Variants in PTPRR observed in about 807,000 individuals in gnomAD.
PTPRR encodes protein tyrosine phosphatase receptor type R.
Under a neutral mutation model 77.2 loss-of-function variants are expected in PTPRR, and 38 were observed. The observed-to-expected ratio is 0.49, with a 90% CI of 0.38 to 0.65. PTPRR has a LOEUF of 0.65. Ranked by LOEUF, PTPRR falls within the 30% of genes least tolerant of loss-of-function variation. PTPRR has a pLI of 0.00. For missense variants in PTPRR, 744 were observed against 799.2 expected, an observed-to-expected ratio of 0.93 and a Z score of 0.83; for synonymous variants, 299 against 283.1, an observed-to-expected ratio of 1.06 and a Z score of -0.57.
At chr12:70,882,970 T>C (rs1465804844) in intron 2 of PTPRR, among the ~76,000 whole-genome samples, 1 of 152,174 alleles carries the variant, frequency 6.6e-6, no homozygotes, top group Non-Finnish European at 1.5e-5. Flanking sequence ...ATTTTAATCC[T>C]CCCATTTAAA....
At chr12:70,813,564 GA>G (rs1268880013) in intron 2 of PTPRR, among the ~76,000 whole-genome samples, 3 of 152,206 alleles carry the variant, frequency 2.0e-5, no homozygotes, top group Admixed American at 6.5e-5. Context: ...CTGAGTTAGT[GA>G]CTCTTCTGCC....
chr12:70,867,607 C>G (rs1892878126), intron 2 of PTPRR, among the ~76,000 whole-genome samples: 1 of 151,600 alleles, frequency 6.6e-6, no homozygotes, highest in Non-Finnish European at 1.5e-5. Flanking sequence ...AATGGCCATA[C>G]TGCCCAAGGT....
intron 6 of PTPRR, among the ~76,000 whole-genome samples, chr12:70,705,434 T>G (rs1888583378): frequency 6.6e-6 from 1 of 152,088 alleles, no homozygotes; most frequent in East Asian, 1.9e-4. Flanking sequence ...CTACTTTTTT[T>G]GCAGTACTTT....
At chr12:70,874,920 C>CAAAAAAAAAAAAAAAA (rs34592534) in intron 2 of PTPRR, among the ~76,000 whole-genome samples, 1 of 76,830 alleles carries the variant, frequency 1.3e-5, no homozygotes, top group Non-Finnish European at 2.6e-5. Context: ...GACTCCATCT[C>CAAAAAAAAAAAAAAAA]AAAAAAAAAA....
chr12:70,852,580 A>T (rs1356962677), intron 2 of PTPRR, among the ~76,000 whole-genome samples: 1 of 152,186 alleles, frequency 6.6e-6, no homozygotes, highest in Non-Finnish European at 1.5e-5. Flanking sequence ...ATGTTAAGCT[A>T]AGCCCCTTCA....
chr12:70,688,949 ATCT>A (rs899987876), intron 8 of PTPRR, among the ~76,000 whole-genome samples: 8 of 152,120 alleles, frequency 5.3e-5, no homozygotes, highest in Non-Finnish European at 1.0e-4. Context: ...GAGAGACATG[ATCT>A]TCTTTATGTG....
chr12:70,729,252 A>C (rs1480270183), intron 6 of PTPRR, among the ~76,000 whole-genome samples: 26 of 152,174 alleles, frequency 1.7e-4, no homozygotes, highest in Admixed American at 1.7e-3. Flanking sequence ...TATGTTATAC[A>C]TGTTTGCATA....
At chr12:70,906,315 A>T (rs955162117) in intron 1 of PTPRR, among the ~76,000 whole-genome samples, 1 of 151,964 alleles carries the variant, frequency 6.6e-6, no homozygotes, top group Non-Finnish European at 1.5e-5. Context: ...AGTTAGACAG[A>T]TTTTGCATGG....
At chr12:70,884,114 A>G (rs1157943303) in intron 2 of PTPRR, among the ~76,000 whole-genome samples, 2 of 152,178 alleles carry the variant, frequency 1.3e-5, no homozygotes, top group African/African-American at 4.8e-5. Flanking sequence ...CAGGGAGAGA[A>G]CCTTCTAGGG....
chr12:70,756,059 A>T (rs1247940747), intron 4 of PTPRR, among the ~76,000 whole-genome samples: 1 of 152,168 alleles, frequency 6.6e-6, no homozygotes, highest in Non-Finnish European at 1.5e-5. Context: ...GCTTAAGCCC[A>T]TGTAAAATTT....
intron 2 of PTPRR, among the ~76,000 whole-genome samples, chr12:70,812,510 A>G (rs1891827229): frequency 6.6e-6 from 1 of 152,230 alleles, no homozygotes; most frequent in Admixed American, 6.5e-5. Flanking sequence ...ATTTTCTGCC[A>G]TGTGATCACC....
rs1376858484 is a variant in PTPRR, at chr12:70,856,802, A to G, written c.357+35877T>C. Among the ~76,000 whole-genome samples, 6 of 144,844 alleles carry G rather than the reference A, an allele frequency of 4.1e-5. 1 individual carries two copies. Among genetic ancestry groups the G allele is most frequent in the Non-Finnish European group, 1.5e-5 (1 of 65,942 alleles). On this transcript the variant is annotated intron_variant, in intron 2 of 13. Transcript: ENST00000283228. Reference sequence around the variant, plus strand: ...AAGCAAGGATAGAGAGGGAGGCAGGAAGAGAGAGAGAGAGAGAGGTGAGGA... The same window carrying G: ...AAGCAAGGATAGAGAGGGAGGCAGGGAGAGAGAGAGAGAGAGAGGTGAGGA...
intron 6 of PTPRR, among the ~76,000 whole-genome samples, chr12:70,716,109 TG>T (rs1889018764): frequency 6.6e-6 from 1 of 152,192 alleles, no homozygotes; most frequent in South Asian, 2.1e-4. Flanking sequence ...TCCCTCCGTT[TG>T]GGGTCCCTGA....
At chr12:70,751,354 C>T (rs11829927) in intron 5 of PTPRR, among the ~76,000 whole-genome samples, 4,921 of 152,238 alleles carry the variant, frequency 0.032, 224 homozygotes, top group African/African-American at 0.095. Context: ...CCACCAGCAT[C>T]TTCTTCACTG....
intron 6 of PTPRR, among the ~76,000 whole-genome samples, chr12:70,728,202 AT>A (rs113954383): frequency 0.01 from 1,285 of 127,702 alleles, 12 homozygotes; most frequent in African/African-American, 0.032. Context: ...CAGATTTTGG[AT>A]TTTTTTTTTT....
chr12:70,835,536 GT>G (rs1231632137), intron 2 of PTPRR, among the ~76,000 whole-genome samples: 3 of 152,016 alleles, frequency 2.0e-5, no homozygotes, highest in Non-Finnish European at 2.9e-5. Context: ...ATGAGATATT[GT>G]TACACTGCCA....
chr12:70,749,678 A>C (rs1311421188), intron 5 of PTPRR, among the ~76,000 whole-genome samples: 1 of 152,040 alleles, frequency 6.6e-6, no homozygotes, highest in Non-Finnish European at 1.5e-5. Flanking sequence ...AGGTGGTTCA[A>C]TGTAGGATTT....
In PTPRR at chr12:70,698,300, T is replaced by C. The variant is rs1322202165; in HGVS notation, c.1244A>G (p.His415Arg). 3 of 1,613,214 alleles carry C rather than the reference T, an allele frequency of 1.9e-6. No homozygotes were observed. The highest frequency in any genetic ancestry group is 2.5e-6 in the Non-Finnish European group (3 of 1,179,472). The stretch of plus-strand genomic sequence containing the variant: ...GGTCTTATAGCGATTTTTAGTTCCA[T>C]GACGCGGAATATCAATTTCTTTGGG... ...VDPKEIDIPR[H>R]GTKNRYKTIL... The change falls in exon 8 of 14, where the codon CAT becomes CGT. Residue 415 changes from histidine (H) to arginine (R), a missense_variant. By Grantham distance (29) the His-to-Arg change is conservative. Coordinates refer to ENST00000283228, the MANE Select transcript of PTPRR (RefSeq NM_002849.4).
At position 70,693,496 on chromosome 12, in the gene PTPRR, C is replaced by T. The variant is rs774166137; in HGVS notation, c.1279+4769G>A. 3.9e-5 allele frequency among the ~76,000 whole-genome samples: 6 copies of T among 152,052 alleles called. No homozygotes were observed. The East Asian group carries it at 1.2e-3, about 29-fold the overall frequency. Reference sequence around the variant, plus strand: ...ATTTTTTGGTAGAGATGAGGTTTTGCCATGTTGCCCAGGCTAGTAATTAAA... The same window carrying T: ...ATTTTTTGGTAGAGATGAGGTTTTGTCATGTTGCCCAGGCTAGTAATTAAA... On this transcript the variant is annotated intron_variant, in intron 8 of 13. Coordinates refer to ENST00000283228, the MANE Select transcript of PTPRR (RefSeq NM_002849.4).
Sources: gnomAD v4.1 joint callset for allele counts (sites outside exome capture counted in the v4.1 genomes callset) on GRCh38, gnomAD v4.1.1 for gene constraint, MANE v1.5 for transcripts, NCBI Gene and HGNC (gene_info 2026-07-23, HGNC 2026-07-21) for gene names.